Variants in RAB27A observed in about 807,000 individuals in gnomAD.
The protein encoded by RAB27A is RAB27A, member RAS oncogene family.
In RAB27A, 17 loss-of-function variants were observed where a neutral mutation model predicts 20.8. The ratio of observed to expected loss-of-function variants is 0.82; its 90% CI spans 0.56 to 1.23. The LOEUF is 1.23. Among genes scored for constraint, RAB27A ranks in the 50% most tolerant of loss-of-function variants. The pLI is 0.00. For missense variants in RAB27A, 277 were observed against 266.7 expected (o/e 1.04, Z -0.27); for synonymous variants, 85 against 92.8 (o/e 0.92, Z 0.48).
intron 2 of RAB27A, among the ~76,000 whole-genome samples, chr15:55,236,061 T>C (rs1054474011): frequency 1.3e-5 from 2 of 151,836 alleles, no homozygotes; most frequent in East Asian, 1.9e-4. Flanking sequence ...TTGAATACAG[T>C]GTACACTGCT....
At chr15:55,207,206 G>A (rs1410657285) in intron 6 of RAB27A, among the ~76,000 whole-genome samples, 1 of 136,718 alleles carries the variant, frequency 7.3e-6, no homozygotes, top group Non-Finnish European at 1.5e-5. Context: ...AGTATAAACT[G>A]TTAATAACTA....
chr15:55,216,884 A>G (rs1251709318), intron 6 of RAB27A, among the ~76,000 whole-genome samples: 1 of 152,192 alleles, frequency 6.6e-6, no homozygotes, highest in East Asian at 1.9e-4. Flanking sequence ...CTGGAAGACA[A>G]TGGATCTTAC....
At chr15:55,209,626 T>C (rs1477037641) in intron 6 of RAB27A, among the ~76,000 whole-genome samples, 1 of 151,478 alleles carries the variant, frequency 6.6e-6, no homozygotes, top group African/African-American at 2.4e-5. Context: ...ACCCTTTTGA[T>C]ATATCTGATA....
At chr15:55,230,900 A>T (rs1017404894) in intron 3 of RAB27A, among the ~76,000 whole-genome samples, 1 of 152,116 alleles carries the variant, frequency 6.6e-6, no homozygotes, top group East Asian at 1.9e-4. Flanking sequence ...GGGTTTGAGC[A>T]TCTATTGAAT....
At chr15:55,303,257 G>A (rs75078153) in intron 2 of RAB27A, among the ~76,000 whole-genome samples, 5 of 99,130 alleles carry the variant, frequency 5.0e-5, no homozygotes, top group South Asian at 3.5e-4. Flanking sequence ...CGGGAGGGAG[G>A]TGGGGGGGTC....
chr15:55,312,949 CTCTCT>C (rs1187830331), intron 2 of RAB27A, among the ~76,000 whole-genome samples: 2 of 152,160 alleles, frequency 1.3e-5, no homozygotes, highest in African/African-American at 4.8e-5. Context: ...CCATCTCTCT[CTCTCT>C]CCTACACTCT....
At chr15:55,260,320 C>G (rs778680133) in intron 2 of RAB27A, among the ~76,000 whole-genome samples, 8 of 152,202 alleles carry the variant, frequency 5.3e-5, no homozygotes, top group Admixed American at 5.2e-4. Context: ...ACCCAGAACT[C>G]TCCTTCATTG....
chr15:55,210,115 C>T, intron 6 of RAB27A, among the ~76,000 whole-genome samples: 1 of 140,954 alleles, frequency 7.1e-6, no homozygotes, highest in East Asian at 2.1e-4. Flanking sequence ...TACACACATA[C>T]ACATATGTAT....
intron 2 of RAB27A, among the ~76,000 whole-genome samples, chr15:55,249,962 T>C (rs1339899426): frequency 2.6e-5 from 4 of 151,976 alleles, no homozygotes; most frequent in Non-Finnish European, 5.9e-5. Context: ...TTTTTCTATG[T>C]TTGTTTTTTG....
intron 2 of RAB27A, among the ~76,000 whole-genome samples, chr15:55,296,106 G>C (rs1409623334): frequency 6.6e-6 from 1 of 151,266 alleles, no homozygotes; most frequent in East Asian, 2.0e-4. Context: ...ATGTTGGCCA[G>C]GCTGGTCTCG....
Position 55,205,110 on chromosome 15 carries a change from G to C in RAB27A, c.*397C>G, listed in dbSNP as rs1028062801. 2.5e-5 allele frequency: 6 copies of C among 243,430 alleles called. No individual in the cohort carries two copies. The highest frequency in any genetic ancestry group is 1.4e-4 in the African/African-American group (6 of 43,324). The allele number at this position is 243,430 out of a possible 1,614,324, so 15.1% of individuals were successfully genotyped here. On this transcript the variant is annotated 3_prime_UTR_variant, in exon 7 of 7. Transcript: ENST00000336787. ...CAAATCTGGATTGAAGACTGTGGCGGTTTTATAACTGCATGTAAGATCTTA... is the reference window on the plus strand; with the variant it reads ...CAAATCTGGATTGAAGACTGTGGCGCTTTTATAACTGCATGTAAGATCTTA...
intron 1 of RAB27A, chr15:55,317,308 T>C (rs2055053580): frequency 6.3e-6 from 1 of 159,896 alleles, no homozygotes; most frequent in Non-Finnish European, 1.4e-5. Flanking sequence ...GAGGTATTTG[T>C]GGGTTTTTTT....
At chr15:55,307,473 C>T (rs2055002726) in intron 2 of RAB27A, among the ~76,000 whole-genome samples, 1 of 151,904 alleles carries the variant, frequency 6.6e-6, no homozygotes, top group South Asian at 2.1e-4. Context: ...AGGATTGTGG[C>T]CTCTAGGTGC....
intron 3 of RAB27A, 46 bp downstream of exon 3, chr15:55,234,736 G>A (rs779353247): frequency 4.5e-6 from 7 of 1,560,798 alleles, no homozygotes; most frequent in Non-Finnish European, 6.2e-6. Flanking sequence ...ACCAGCAAAT[G>A]TTGACTTAAC....
chr15:55,238,592 C>T (rs1896357809), intron 2 of RAB27A: 1 of 152,212 alleles, frequency 6.6e-6, no homozygotes. Flanking sequence ...ATACTGGGTA[C>T]TTAACTGTTG....
intron 1 of RAB27A, among the ~76,000 whole-genome samples, chr15:55,315,197 T>G (rs2055037543): frequency 6.6e-6 from 1 of 152,178 alleles, no homozygotes; most frequent in South Asian, 2.1e-4. Context: ...CTGGGAAAAC[T>G]GGCTAGCCAT....
intron 2 of RAB27A, among the ~76,000 whole-genome samples, chr15:55,262,508 C>G (rs1392376329): frequency 6.7e-6 from 1 of 149,102 alleles, no homozygotes; most frequent in Non-Finnish European, 1.5e-5. Flanking sequence ...CGCCACTGCA[C>G]TCCAGCCTGG....
At chr15:55,314,857 A>C (rs2055036334) in intron 1 of RAB27A, among the ~76,000 whole-genome samples, 1 of 152,240 alleles carries the variant, frequency 6.6e-6, no homozygotes, top group African/African-American at 2.4e-5. Flanking sequence ...TTATAGATTC[A>C]ATGCTATTAC....
At chr15:55,232,362 G>A (rs745895537) in intron 3 of RAB27A, among the ~76,000 whole-genome samples, 16 of 152,082 alleles carry the variant, frequency 1.1e-4, no homozygotes, top group Non-Finnish European at 7.4e-5. Context: ...AGAAACCCAG[G>A]TAGGGGAAAG....
Sources: gnomAD v4.1 joint callset for allele counts (sites outside exome capture counted in the v4.1 genomes callset) on GRCh38, gnomAD v4.1.1 for gene constraint, MANE v1.5 for transcripts, NCBI Gene and HGNC (gene_info 2026-07-23, HGNC 2026-07-21) for gene names.